ADCY2: variants seen among roughly 807,000 people sequenced by gnomAD.
ADCY2 encodes the protein adenylate cyclase type 2.
Under a neutral mutation model 125.2 loss-of-function variants are expected in ADCY2, and 31 were observed. That is an observed-to-expected ratio of 0.25 (90% CI 0.19 to 0.33). The LOEUF (loss-of-function observed/expected upper bound fraction) is 0.33, where lower values mean the gene tolerates loss of function less well. ADCY2 is among the 10% of genes least tolerant of loss of function. ADCY2 has a pLI of 1.00. For missense variants in ADCY2, 904 were observed against 1,418.2 expected, an observed-to-expected ratio of 0.64 and a Z score of 5.82; for synonymous variants, 512 against 548.4, an observed-to-expected ratio of 0.93 and a Z score of 0.93.
intron 1 of ADCY2, among the ~76,000 whole-genome samples, chr5:7,401,438 C>T (rs544034295): frequency 3.3e-5 from 5 of 152,154 alleles, no homozygotes; most frequent in South Asian, 2.1e-4. Flanking sequence ...GAATTCCCAG[C>T]GCTGGTCTTG....
intron 3 of ADCY2, among the ~76,000 whole-genome samples, chr5:7,584,850 C>G (rs565755781): frequency 6.6e-6 from 1 of 152,150 alleles, no homozygotes; most frequent in East Asian, 1.9e-4. Context: ...TGCCAAAATG[C>G]GTGAAATGAA....
intron 7 of ADCY2, among the ~76,000 whole-genome samples, chr5:7,700,439 T>TA (rs758422262): frequency 6.4e-4 from 97 of 152,184 alleles, no homozygotes; most frequent in Non-Finnish European, 4.3e-4. Context: ...ATGATTGGAA[T>TA]ATTGTACTTC....
At chr5:7,695,075 C>T (rs763620481) in intron 5 of ADCY2, among the ~76,000 whole-genome samples, 3 of 152,220 alleles carry the variant, frequency 2.0e-5, no homozygotes, top group East Asian at 3.9e-4. Context: ...GACCTTGATA[C>T]AAATCAGAAA....
chr5:7,720,251 C>T (rs999718459), intron 12 of ADCY2, among the ~76,000 whole-genome samples: 3 of 152,164 alleles, frequency 2.0e-5, no homozygotes, highest in African/African-American at 4.8e-5. Flanking sequence ...TCAGCACACA[C>T]GAATCTATTC....
At chr5:7,467,997 C>T (rs995656426) in intron 2 of ADCY2, among the ~76,000 whole-genome samples, 3 of 152,116 alleles carry the variant, frequency 2.0e-5, no homozygotes, top group Non-Finnish European at 2.9e-5. Flanking sequence ...ATAAGAAGAA[C>T]AGTCAAATGA....
intron 4 of ADCY2, among the ~76,000 whole-genome samples, chr5:7,635,788 C>A (rs1414207255): frequency 6.6e-6 from 1 of 152,126 alleles, no homozygotes; most frequent in Non-Finnish European, 1.5e-5. Context: ...GATGAAGAAG[C>A]CCAAGTCACT....
intron 4 of ADCY2, among the ~76,000 whole-genome samples, chr5:7,673,372 A>T (rs1344526741): frequency 4.8e-5 from 7 of 145,646 alleles, no homozygotes; most frequent in African/African-American, 1.8e-4. Context: ...TCGGAGGTGG[A>T]GGTTGCAGAA....
chr5:7,488,622 A>C (rs941561969), intron 2 of ADCY2, among the ~76,000 whole-genome samples: 2 of 151,968 alleles, frequency 1.3e-5, no homozygotes, highest in African/African-American at 4.8e-5. Context: ...TTGTCTGCTC[A>C]TTTTTTAGGG....
chr5:7,708,763 C>T (rs879264214), intron 9 of ADCY2, among the ~76,000 whole-genome samples: 22 of 152,132 alleles, frequency 1.4e-4, no homozygotes, highest in Admixed American at 6.5e-4. Context: ...GCAGCAGGGA[C>T]TGGGAGATGA....
intron 4 of ADCY2, among the ~76,000 whole-genome samples, chr5:7,672,784 G>A (rs564444819): frequency 1.3e-5 from 2 of 152,268 alleles, no homozygotes; most frequent in East Asian, 3.9e-4. Flanking sequence ...TTGCACATTG[G>A]CTATGGCTGC....
chr5:7,810,937 TCAAA>T (rs2126531233), intron 22 of ADCY2, among the ~76,000 whole-genome samples: 1 of 152,328 alleles, frequency 6.6e-6, no homozygotes, highest in Admixed American at 6.5e-5. Flanking sequence ...TTGATCTTTT[TCAAA>T]CAAATTTTTC....
chr5:7,682,761 CT>C (rs1460368539), intron 4 of ADCY2, among the ~76,000 whole-genome samples: 1 of 152,166 alleles, frequency 6.6e-6, no homozygotes, highest in Non-Finnish European at 1.5e-5. Flanking sequence ...TGCCAGCATT[CT>C]TAAGGATGGG....
chr5:7,507,931 A>C (rs1431534787), intron 2 of ADCY2, among the ~76,000 whole-genome samples: 1 of 152,228 alleles, frequency 6.6e-6, no homozygotes, highest in Non-Finnish European at 1.5e-5. Context: ...TAAAATTAAA[A>C]AAAAACTTGC....
chr5:7,727,108 G>T (rs1741956617), intron 13 of ADCY2, 56 bp from the exon 14 acceptor site: 2 of 1,354,418 alleles, frequency 1.5e-6, no homozygotes, highest in Admixed American at 1.8e-5. Context: ...GCTGGACACT[G>T]TGTGCAGCTC....
intron 7 of ADCY2, among the ~76,000 whole-genome samples, chr5:7,701,010 T>C (rs893970663): frequency 1.3e-5 from 2 of 152,006 alleles, no homozygotes; most frequent in South Asian, 4.2e-4. Context: ...GTTTTTAGCT[T>C]TTTTTCAAAA....
rs58433892 is a variant in ADCY2 at position 7,531,282 on chromosome 5, C to T, written c.570+10383C>T. ...CTACCCAGGCGACCTGGAGGGCCGC[C>T]GTTTTCCTCTAACTCTGACCAGCTT... On this transcript the variant is annotated intron_variant, in intron 3 of 24. Transcript: ENST00000338316. 1.4e-3 allele frequency among the ~76,000 whole-genome samples: 214 copies of T among 152,240 alleles called. 3 individuals carry two copies. The highest frequency in any genetic ancestry group is 6.8e-3 in the Middle Eastern group (2 of 294).
At chr5:7,822,851 T>G (rs1405188152) in intron 24 of ADCY2, among the ~76,000 whole-genome samples, 1 of 152,218 alleles carries the variant, frequency 6.6e-6, no homozygotes, top group East Asian at 1.9e-4. Flanking sequence ...ATGGAAAATT[T>G]ATATGAAAGT....
intron 2 of ADCY2, among the ~76,000 whole-genome samples, chr5:7,421,589 T>C (rs1050649744): frequency 6.6e-6 from 1 of 152,212 alleles, no homozygotes; most frequent in Middle Eastern, 3.2e-3. Context: ...AGTACTGGGG[T>C]TTAGGACTTG....
At chr5:7,689,640 A>T (rs1740641366) in intron 4 of ADCY2, among the ~76,000 whole-genome samples, 1 of 152,112 alleles carries the variant, frequency 6.6e-6, no homozygotes, top group Admixed American at 6.5e-5. Flanking sequence ...GTAGACAAAG[A>T]GATAGACACC....
Sources: allele counts gnomAD v4.1 joint callset (sites outside exome capture counted in the v4.1 genomes callset), GRCh38; gene constraint gnomAD v4.1.1; transcripts MANE v1.5; gene names NCBI Gene and HGNC (gene_info 2026-07-23, HGNC 2026-07-21).